STX16: variants seen among roughly 807,000 people sequenced by gnomAD.
STX16 encodes syntaxin 16.
Under a neutral mutation model 42.7 loss-of-function variants are expected in STX16, and 28 were observed. That is an observed-to-expected ratio of 0.66 (90% CI 0.49 to 0.90). STX16 has a LOEUF of 0.90. Among genes scored for constraint, STX16 ranks in the 40% least tolerant of loss-of-function variants. The pLI, the probability that STX16 is intolerant of heterozygous loss-of-function variation, is 0.00. For synonymous variants in STX16, 156 were observed against 155.2 expected (o/e 1.00, Z -0.04); for missense variants, 361 against 420.9 (o/e 0.86, Z 1.24).
chr20:58,678,894 ACT>A lies in STX16; in HGVS notation c.*2606_*2607del, dbSNP rs2084204839. 1 of 151,800 alleles carries A rather than the reference ACT, an allele frequency of 6.6e-6. No individual in the cohort carries two copies. Among genetic ancestry groups the A allele is most frequent in the Non-Finnish European group, 1.5e-5 (1 of 68,000 alleles). 9.4% of individuals were successfully genotyped at this position (151,800 alleles called of 1,614,324 possible). ...CTGTGGGCACCTCATGTTTTTCCAC[ACT>A]CTACTGGGCCGTGGAGGTAACGATC... On this transcript the variant is annotated 3_prime_UTR_variant, in exon 9 of 9. Coordinates refer to ENST00000371141, the MANE Select transcript of STX16 (RefSeq NM_001001433.3).
rs375261884 is a variant in STX16, at chr20:58,673,646, A to C, written c.808A>C (p.Arg270=). Residue 270 remains arginine, a synonymous_variant, in exon 8 of 9, where the codon AGA becomes CGA. Transcript: ENST00000371141. ...MIVEQGTVLD[R]IDYNVEQSCI... is the part of the protein sequence containing the mutation. ...TATTACCTAGGGTACAGTCCTTGACAGAATTGACTATAACGTTGAACAGTC... is the reference window on the plus strand; with the variant it reads ...TATTACCTAGGGTACAGTCCTTGACCGAATTGACTATAACGTTGAACAGTC... 30 of 1,612,792 alleles carry C rather than the reference A, an allele frequency of 1.9e-5. No individual in the cohort carries two copies. The highest frequency in any genetic ancestry group is 1.6e-4 in the Middle Eastern group (1 of 6,084).
intron 1 of STX16, among the ~76,000 whole-genome samples, chr20:58,653,538 G>A (rs953976833): frequency 6.6e-6 from 1 of 152,188 alleles, no homozygotes; most frequent in African/African-American, 2.4e-5. Context: ...AAACGGAAAG[G>A]AATTACATTA....
At chr20:58,660,694 G>C (rs1005212135) in intron 2 of STX16, among the ~76,000 whole-genome samples, 5 of 140,054 alleles carry the variant, frequency 3.6e-5, no homozygotes, top group Non-Finnish European at 7.6e-5. Flanking sequence ...GAGCAGCATG[G>C]ATAATATGAT....
intron 1 of STX16, among the ~76,000 whole-genome samples, chr20:58,654,495 G>A (rs530400228): frequency 6.6e-6 from 1 of 152,192 alleles, no homozygotes; most frequent in African/African-American, 2.4e-5. Context: ...CTAAATAGAG[G>A]TTATGATTTT....
intron 1 of STX16, among the ~76,000 whole-genome samples, chr20:58,652,503 C>T (rs2083491754): frequency 1.3e-5 from 2 of 151,760 alleles, no homozygotes; most frequent in African/African-American, 2.4e-5. Context: ...GTTTGAAGCT[C>T]CCCTCCCCCC....
At chr20:58,661,914 T>C (rs2083709672) in intron 2 of STX16, among the ~76,000 whole-genome samples, 2 of 152,226 alleles carry the variant, frequency 1.3e-5, no homozygotes, top group African/African-American at 4.8e-5. Context: ...AGTAAAGGCA[T>C]CTGACGGCCT....
chr20:58,673,565 C>A (rs1284983890), intron 7 of STX16, 66 bp from the exon 8 acceptor site: 2 of 1,106,466 alleles, frequency 1.8e-6, no homozygotes, highest in Admixed American at 3.6e-5. Context: ...TTGCATATCT[C>A]ATTTTTGACG....
chr20:58,668,229 A>G (rs965213636), intron 4 of STX16, 102 bp downstream of exon 4: 35 of 1,460,116 alleles, frequency 2.4e-5, no homozygotes, highest in Non-Finnish European at 3.2e-5. Flanking sequence ...GTCATTTCCC[A>G]ACCTGAAGTT....
rs1454417545 is a variant in STX16, at chr20:58,667,529, T to G, written c.184T>G (p.Leu62Val). 1 of 1,614,194 alleles carries G rather than the reference T, an allele frequency of 6.2e-7. No individual in the cohort carries two copies. The highest frequency in any genetic ancestry group is 8.5e-7 in the Non-Finnish European group (1 of 1,180,036). Residue 62 changes from leucine (L) to valine (V), a missense_variant, in exon 3 of 9, where the codon TTA becomes GTA. Transcript: ENST00000371141. ...DRMALVSGIS[L>V]DPEAAIGVTK... is the part of the protein sequence containing the mutation. ...TATGGCACTGGTGTCAGGCATCAGCTTAGATCCAGAAGCAGCGATTGGTGT... is the reference window on the plus strand; with the variant it reads ...TATGGCACTGGTGTCAGGCATCAGCGTAGATCCAGAAGCAGCGATTGGTGT...
At chr20:58,671,041 T>C in intron 6 of STX16, 113 bp from the exon 7 acceptor site, 1 of 1,105,544 alleles carries the variant, frequency 9.0e-7, no homozygotes, top group East Asian at 2.6e-5. Context: ...ATTTTCAGAA[T>C]TCATTTTCTT....
chr20:58,669,815 A>G (rs947565454), intron 5 of STX16, among the ~76,000 whole-genome samples: 1 of 152,240 alleles, frequency 6.6e-6, no homozygotes, highest in African/African-American at 2.4e-5. Flanking sequence ...GGTAAAAAGC[A>G]GTTGTTATTA....
At chr20:58,671,437 GGTGTGTGTGTGT>G (rs540390363) in intron 7 of STX16, 140 bp downstream of exon 7, 37 of 224,600 alleles carry the variant, frequency 1.6e-4, no homozygotes, top group East Asian at 7.6e-4. Flanking sequence ...TGTGTGTGTG[GGTGTGTGTGTGT>G]GTGTGTGTGT....
chr20:58,665,273 G>T (rs1156508059), intron 2 of STX16, among the ~76,000 whole-genome samples: 3 of 152,228 alleles, frequency 2.0e-5, no homozygotes, highest in African/African-American at 7.2e-5. Context: ...TGACACTAAC[G>T]TCACTCACTG....
rs1002192299 is a variant in STX16, at chr20:58,652,376, C to G, written c.132+238C>G. On this transcript the variant is annotated intron_variant, in intron 1 of 8. Transcript: ENST00000371141. ...CTTCTCCTCACTTCCGCAGCACCCC[C>G]CCCCCCGCACCCCCCGCCTTGGCGT... is the stretch of plus-strand genomic sequence containing the variant. The G allele has an allele frequency of 4.6e-5, 27 of 587,112 alleles. 1 individual carries two copies. The highest frequency in any genetic ancestry group is 2.7e-4 in the South Asian group (16 of 59,952). The allele number at this position is 587,112 out of a possible 1,614,324, so 36.4% of individuals were successfully genotyped here.
chr20:58,652,158 C>T lies in STX16; in HGVS notation c.132+20C>T, dbSNP rs771513028. On this transcript the variant is annotated intron_variant, in intron 1 of 8. Coordinates refer to ENST00000371141, the MANE Select transcript of STX16 (RefSeq NM_001001433.3). Reference sequence around the variant, plus strand: ...GCTGCGGTGAGTCTCCTGGCGGCCTCTCCGACACACGGACCGTGTGCACTG... The same window carrying T: ...GCTGCGGTGAGTCTCCTGGCGGCCTTTCCGACACACGGACCGTGTGCACTG... The T allele has an allele frequency of 1.2e-6, 2 of 1,612,806 alleles. No individual in the cohort carries two copies. The highest frequency in any genetic ancestry group is 2.2e-5 in the South Asian group (2 of 91,084).
rs138261014 is a variant in STX16, at chr20:58,669,304, G to T, written c.407G>T (p.Cys136Phe). ...TQEITQLFHR[C>F]QRAVQALPSR... is the part of the protein sequence containing the mutation. ...TTGTTCTCTTAGCTCTTCCACAGGTGCCAGCGTGCCGTGCAGGCCCTGCCG... is the reference window on the plus strand; with the variant it reads ...TTGTTCTCTTAGCTCTTCCACAGGTTCCAGCGTGCCGTGCAGGCCCTGCCG... Residue 136 changes from cysteine to phenylalanine, a missense_variant, in exon 5 of 9, where the codon TGC becomes TTC. Transcript: ENST00000371141. 1.5e-5 allele frequency: 24 copies of T among 1,610,838 alleles called. No homozygotes were observed. The highest frequency in any genetic ancestry group is 1.9e-5 in the Non-Finnish European group (22 of 1,179,550).
rs533178299 is a variant in STX16 at position 58,674,953 on chromosome 20, T to C, written c.874-1234T>C. Among the ~76,000 whole-genome samples, 6 of 152,352 alleles carry C rather than the reference T, an allele frequency of 3.9e-5. No individual in the cohort carries two copies. In the South Asian group the frequency reaches 1.2e-3, roughly 32 times the overall value. On this transcript the variant is annotated intron_variant, in intron 8 of 8. Transcript: ENST00000371141. The stretch of plus-strand genomic sequence containing the variant: ...CAAATCTAGTGGGAACTAAAAATTT[T>C]GTTTTAGGTTCTACTTTATAAATCA...
In STX16 at chr20:58,651,694, A is replaced by G. The variant is rs1367380877; in HGVS notation, c.-313A>G. ...TGGCGAGTTAGACGCTTGTAGATCC[A>G]AGGTTGGATTGGGGTGGGGTCTCTG... On this transcript the variant is annotated 5_prime_UTR_variant, in exon 1 of 9. Transcript: ENST00000371141. 3.4e-6 allele frequency: 1 copy of G among 291,000 alleles called. No homozygotes were observed. Among genetic ancestry groups the G allele is most frequent in the African/African-American group, 2.2e-5 (1 of 45,776 alleles). 18.0% of individuals were successfully genotyped at this position (291,000 alleles called of 1,614,324 possible).
chr20:58,671,190 A>C lies in STX16; in HGVS notation c.685A>C (p.Asn229His), dbSNP rs200589976. Reference protein sequence around the residue: ...TEDQLVLVEQNTLMVEERERE... With the variant: ...TEDQLVLVEQHTLMVEERERE... ...GGACCAGTTAGTTCTGGTGGAGCAG[A>C]ACACACTGATGGTGGAAGAGCGGGA... The change falls in exon 7 of 9, where the codon AAC (asparagine) becomes CAC (histidine). Residue 229 changes from asparagine (N) to histidine (H), a missense_variant. Asn to His is a moderately conservative substitution (Grantham distance 68). Transcript: ENST00000371141. The C allele has an allele frequency of 1.1e-4, 170 of 1,614,044 alleles. No individual in the cohort carries two copies. The highest frequency in any genetic ancestry group is 9.9e-5 in the Non-Finnish European group (117 of 1,180,024).
Sources: gnomAD v4.1 joint callset for allele counts (sites outside exome capture counted in the v4.1 genomes callset) on GRCh38, gnomAD v4.1.1 for gene constraint, MANE v1.5 for transcripts, NCBI Gene and HGNC (gene_info 2026-07-23, HGNC 2026-07-21) for gene names.